The following NCOA2 variants were observed in gnomAD, a reference collection of about 807,000 sequenced individuals.
NCOA2 encodes the protein nuclear receptor coactivator 2.
NCOA2 carries 21 observed loss-of-function variants against 145.1 expected under a neutral mutation model. The ratio of observed to expected loss-of-function variants is 0.14; its 90% CI spans 0.10 to 0.21. The LOEUF is 0.21. Ranked by LOEUF, NCOA2 falls within the 10% of genes least tolerant of loss-of-function variation. The pLI, the probability that NCOA2 is intolerant of heterozygous loss-of-function variation, is 1.00. For synonymous variants in NCOA2, 619 were observed against 637.5 expected (o/e 0.97, Z 0.44); for missense variants, 1,472 against 1,837.6 (o/e 0.80, Z 3.64).
the NCOA2 span, among the ~76,000 whole-genome samples, chr8:70,422,728 A>G: frequency 3.3e-5 from 5 of 152,112 alleles, no homozygotes; most frequent in Non-Finnish European, 5.9e-5. Flanking sequence ...AAAAAAGTTC[A>G]TGAGCTTTTT....
intron 2 of NCOA2, among the ~76,000 whole-genome samples, 168 bp downstream of exon 2, chr8:70,296,576 A>G: frequency 6.6e-6 from 1 of 152,222 alleles, no homozygotes; most frequent in East Asian, 1.9e-4. Flanking sequence ...TATTTCCAAT[A>G]CATTTGTAAG....
At chr8:70,159,737 A>G (rs1025425053) in intron 9 of NCOA2, 85 bp from the exon 10 acceptor site, 5 of 1,218,258 alleles carry the variant, frequency 4.1e-6, no homozygotes, top group Non-Finnish European at 5.6e-6. Flanking sequence ...AGAGTAATCA[A>G]CTTCATTAAG....
chr8:70,208,223 A>G (rs1818660604), intron 4 of NCOA2, among the ~76,000 whole-genome samples: 1 of 152,180 alleles, frequency 6.6e-6, no homozygotes, highest in Non-Finnish European at 1.5e-5. Context: ...ATTGAGAGCA[A>G]GGCCCTCTCA....
At chr8:70,214,312 T>C (rs976402270) in intron 3 of NCOA2, among the ~76,000 whole-genome samples, 4 of 152,212 alleles carry the variant, frequency 2.6e-5, no homozygotes, top group African/African-American at 9.6e-5. Context: ...CGTCTCCCAC[T>C]GGACTGTCCA....
At chr8:70,240,135 C>A (rs147673869) in intron 2 of NCOA2, among the ~76,000 whole-genome samples, 2 of 152,174 alleles carry the variant, frequency 1.3e-5, no homozygotes, top group African/African-American at 4.8e-5. Flanking sequence ...TCTCCTAACA[C>A]GGCCTTGAAC....
At chr8:70,331,725 A>G (rs1460216650) in intron 1 of NCOA2, among the ~76,000 whole-genome samples, 8 of 152,146 alleles carry the variant, frequency 5.3e-5, no homozygotes, top group Non-Finnish European at 1.5e-5. Context: ...CTGTATCTTT[A>G]AATGCTTACA....
At chr8:70,405,703 T>C (rs537970239), upstream of NCOA2, among the ~76,000 whole-genome samples, 2 of 148,124 alleles carry the variant, frequency 1.4e-5, no homozygotes, top group African/African-American at 2.4e-5. Context: ...AAAAAAAAGA[T>C]TCTCCTTCTT....
the NCOA2 span, among the ~76,000 whole-genome samples, chr8:70,444,234 G>A: frequency 6.6e-6 from 1 of 152,104 alleles, no homozygotes; most frequent in Admixed American, 6.5e-5. Context: ...TAGATCTCAA[G>A]GATATCTCAA....
intron 6 of NCOA2, among the ~76,000 whole-genome samples, chr8:70,169,822 T>A (rs1308208626): frequency 2.0e-5 from 3 of 152,294 alleles, no homozygotes; most frequent in Admixed American, 6.5e-5. Context: ...GTACTTTCCA[T>A]CTGAATCATT....
intron 15 of NCOA2, among the ~76,000 whole-genome samples, chr8:70,136,434 G>A (rs1047071781): frequency 1.3e-5 from 2 of 152,152 alleles, no homozygotes; most frequent in Middle Eastern, 3.4e-3. Context: ...ATGAAAGACA[G>A]CTATTGTATT....
intron 2 of NCOA2, among the ~76,000 whole-genome samples, chr8:70,237,361 G>A (rs937188473): frequency 5.3e-5 from 8 of 151,356 alleles, no homozygotes; most frequent in African/African-American, 1.5e-4. Flanking sequence ...TTGATGCACT[G>A]CTACTCTCTC....
the NCOA2 span, among the ~76,000 whole-genome samples, chr8:70,438,181 A>T: frequency 6.6e-6 from 1 of 152,332 alleles, no homozygotes; most frequent in Admixed American, 6.5e-5. Flanking sequence ...ACAATTTAGG[A>T]TTTAAAAATC....
the NCOA2 span, among the ~76,000 whole-genome samples, chr8:70,453,062 T>C: frequency 6.6e-6 from 1 of 152,352 alleles, no homozygotes; most frequent in East Asian, 1.9e-4. Flanking sequence ...AGGGTTAATA[T>C]TTATTAGTAC....
the NCOA2 span, among the ~76,000 whole-genome samples, chr8:70,454,085 T>C: frequency 2.0e-5 from 3 of 152,366 alleles, no homozygotes; most frequent in East Asian, 5.8e-4. Context: ...AAAATAGTTT[T>C]GCTTTATATA....
chr8:70,359,708 C>T (rs1349992792), intron 1 of NCOA2, among the ~76,000 whole-genome samples: 1 of 152,104 alleles, frequency 6.6e-6, no homozygotes, highest in Non-Finnish European at 1.5e-5. Context: ...AAGGTTAAGT[C>T]TATATTATTA....
At chr8:70,131,057 ATTAG>A (rs1371475831) in intron 16 of NCOA2, among the ~76,000 whole-genome samples, 2 of 152,210 alleles carry the variant, frequency 1.3e-5, no homozygotes, top group Non-Finnish European at 2.9e-5. Flanking sequence ...GCTCACTAAG[ATTAG>A]TTAACTTTTT....
At chr8:70,197,891 T>C (rs1380985939) in intron 4 of NCOA2, among the ~76,000 whole-genome samples, 3 of 151,962 alleles carry the variant, frequency 2.0e-5, no homozygotes, top group African/African-American at 7.2e-5. Context: ...CTAGAGTGCA[T>C]TGGCTCAAGT....
Position 70,126,956 on chromosome 8 carries a change from A to G in NCOA2, c.3773T>C (p.Val1258Ala), listed in dbSNP as rs967374451. The G allele has an allele frequency of 6.2e-6, 10 of 1,613,800 alleles. No homozygotes were observed. The highest frequency in any genetic ancestry group is 8.5e-6 in the Non-Finnish European group (10 of 1,179,876). The change falls in exon 19 of 23, where the codon GTT becomes GCT. Residue 1258 changes from valine (V) to alanine (A), a missense_variant. Around this residue, in one of 4 missense-constraint regions of NCOA2, gnomAD observed 232 missense variants for 290.6 expected, o/e 0.80. Transcript: ENST00000452400. ...RQRQMHQQQQ[V>A]QQRTLMMRGQ... ...TCTCATCATCAAAGTTCGTTGCTGAACTTGCTGTTGCTGATGCATTTGTCT... is the reference window on the plus strand; with the variant it reads ...TCTCATCATCAAAGTTCGTTGCTGAGCTTGCTGTTGCTGATGCATTTGTCT...
At chr8:70,308,505 A>C (rs1828064806) in intron 1 of NCOA2, among the ~76,000 whole-genome samples, 1 of 152,068 alleles carries the variant, frequency 6.6e-6, no homozygotes, top group Admixed American at 6.5e-5. Context: ...AAATATATAT[A>C]TATATAAAAC....
Sources: gnomAD v4.1 joint callset for allele counts (sites outside exome capture counted in the v4.1 genomes callset) on GRCh38, gnomAD v4.1.1 for gene constraint, gnomAD v4.1.1 regional missense constraint, MANE v1.5 for transcripts, NCBI Gene and HGNC (gene_info 2026-07-23, HGNC 2026-07-21) for gene names.